GAB1: variants seen among roughly 807,000 people sequenced by gnomAD.
GAB1 encodes the protein GRB2 associated binding protein 1, also known as GRB2-associated-binding protein 1.
In GAB1, 19 loss-of-function variants were observed where a neutral mutation model predicts 66.5. The observed-to-expected ratio is 0.29, with a 90% CI of 0.20 to 0.42. The LOEUF is 0.42. Among genes scored for constraint, GAB1 ranks in the 10% least tolerant of loss-of-function variants. The probability of loss-of-function intolerance (pLI) is 1.00; values close to 1 mark genes in which losing one functional copy is unlikely to be tolerated. For missense variants in GAB1, 732 were observed against 858.5 expected (o/e 0.85, Z 1.84); for synonymous variants, 294 against 301.4 (o/e 0.98, Z 0.25).
chr4:143,451,864 T>C (rs1310117339), intron 6 of GAB1, among the ~76,000 whole-genome samples: 2 of 151,676 alleles, frequency 1.3e-5, no homozygotes, highest in Non-Finnish European at 2.9e-5. Flanking sequence ...TTCATCACTT[T>C]CAGAGAAACA....
At chr4:143,345,411 A>G (rs957240486) in intron 1 of GAB1, among the ~76,000 whole-genome samples, 3 of 152,254 alleles carry the variant, frequency 2.0e-5, no homozygotes, top group African/African-American at 7.2e-5. Context: ...TCATGAATTA[A>G]AAACAACATA....
chr4:143,349,490 A>C (rs1729106862), intron 1 of GAB1: 2 of 1,524,040 alleles, frequency 1.3e-6, no homozygotes, highest in Admixed American at 3.4e-5. Context: ...GCTGGGGTGT[A>C]GCAGTCATCG....
intron 1 of GAB1, among the ~76,000 whole-genome samples, chr4:143,363,229 A>G (rs1332744948): frequency 3.9e-5 from 6 of 152,182 alleles, no homozygotes; most frequent in Non-Finnish European, 5.9e-5. Context: ...AGAGTCCTGC[A>G]TTGTTTCTCT....
At chr4:143,382,746 T>C (rs1181120375) in intron 1 of GAB1, among the ~76,000 whole-genome samples, 4 of 152,074 alleles carry the variant, frequency 2.6e-5, no homozygotes, top group Non-Finnish European at 1.5e-5. Flanking sequence ...CTGAGGACGC[T>C]GATTTGTTAG....
chr4:143,443,015 T>C (rs1175341925), intron 6 of GAB1, among the ~76,000 whole-genome samples: 1 of 119,088 alleles, frequency 8.4e-6, no homozygotes, highest in African/African-American at 4.5e-5. Flanking sequence ...ACTATTTTAC[T>C]TTTTTTTTTT....
At chr4:143,425,012 G>A in intron 2 of GAB1, 1 of 715,734 alleles carries the variant, frequency 1.4e-6, no homozygotes, top group South Asian at 1.5e-5. Context: ...ATACGGCGTT[G>A]TTCTGGATTC....
intron 1 of GAB1, among the ~76,000 whole-genome samples, chr4:143,402,578 G>A (rs1046911381): frequency 2.6e-5 from 4 of 152,166 alleles, no homozygotes; most frequent in Non-Finnish European, 5.9e-5. Context: ...ACTTCCTTCA[G>A]AATTTCGTGA....
intron 3 of GAB1, among the ~76,000 whole-genome samples, chr4:143,434,498 T>A (rs1026249175): frequency 9.9e-5 from 15 of 151,708 alleles, no homozygotes; most frequent in Admixed American, 8.6e-4. Context: ...GGACTTCAGG[T>A]GCATGCCATC....
chr4:143,406,437 C>T (rs919935709), intron 1 of GAB1, among the ~76,000 whole-genome samples: 7 of 152,180 alleles, frequency 4.6e-5, no homozygotes, highest in African/African-American at 1.7e-4. Context: ...TCCGCAAGTT[C>T]TTAGGGAGAT....
rs533403240 is a variant in GAB1, at chr4:143,349,562, G to A, written c.72+12302G>A. 4 of 1,501,940 alleles carry A rather than the reference G, an allele frequency of 2.7e-6. No individual in the cohort carries two copies. The African/African-American group carries it at 5.5e-5, about 21-fold the overall frequency. 93.0% of individuals were successfully genotyped at this position (1,501,940 alleles called of 1,614,324 possible). On this transcript the variant is annotated intron_variant, in intron 1 of 9. Coordinates refer to ENST00000262994, the MANE Select transcript of GAB1 (RefSeq NM_002039.4). ...GCGGAGACGATGCCAGTGCCCCTGG[G>A]TGCAGGGATGAGGTGCACCAGCACA...
chr4:143,361,013 G>A (rs996074984), intron 1 of GAB1, among the ~76,000 whole-genome samples: 38 of 151,996 alleles, frequency 2.5e-4, no homozygotes, highest in Non-Finnish European at 4.6e-4. Context: ...TTGCTATCAG[G>A]CTAACATAAA....
intron 6 of GAB1, among the ~76,000 whole-genome samples, chr4:143,448,276 G>T (rs1417181324): frequency 4.6e-5 from 7 of 151,858 alleles, no homozygotes; most frequent in Admixed American, 6.6e-5. Flanking sequence ...TCTCTGCCCG[G>T]CTTTGGTATC....
Position 143,433,548 on chromosome 4 carries a change from T to G in GAB1, c.425T>G (p.Ile142Arg). The change falls in exon 3 of 10, where the codon ATA becomes AGA. Residue 142 changes from isoleucine (I) to arginine (R), a missense_variant. Ile to Arg is a moderately conservative substitution (Grantham distance 97, BLOSUM62 -3). Around this residue, in one of 4 missense-constraint regions of GAB1, gnomAD observed 427 missense variants for 420.6 expected, o/e 1.02. Transcript: ENST00000262994. ...LQAPADLPLA[I>R]NTAPPSTQAD... ...GCACCAGCTGATTTACCTTTAGCTA[T>G]AAATACAGCACCACCATCCACCCAG... 1 of 1,614,016 alleles carries G rather than the reference T, an allele frequency of 6.2e-7. No homozygotes were observed. Among genetic ancestry groups the G allele is most frequent in the Non-Finnish European group, 8.5e-7 (1 of 1,179,910 alleles).
intron 1 of GAB1, chr4:143,394,944 C>G (rs562261037): frequency 2.0e-4 from 31 of 152,216 alleles, no homozygotes; most frequent in African/African-American, 5.8e-4. Context: ...ACATTGATTA[C>G]CTCATCTTAT....
chr4:143,454,698 G>A (rs968887871), intron 6 of GAB1, among the ~76,000 whole-genome samples: 4 of 152,172 alleles, frequency 2.6e-5, no homozygotes, highest in African/African-American at 7.2e-5. Context: ...TGCTCTGTGC[G>A]GTGAGTGCTT....
At chr4:143,393,579 T>C (rs1219132542) in intron 1 of GAB1, among the ~76,000 whole-genome samples, 1 of 152,212 alleles carries the variant, frequency 6.6e-6, no homozygotes, top group African/African-American at 2.4e-5. Flanking sequence ...ACTTAATGAG[T>C]ATTCAATAAA....
At chr4:143,395,030 G>A (rs943386978) in intron 1 of GAB1, 2 of 152,212 alleles carry the variant, frequency 1.3e-5, no homozygotes, top group African/African-American at 4.8e-5. Context: ...TTGATCCTAA[G>A]AGCTTGATCA....
At chr4:143,448,932 T>C (rs2149775127) in intron 6 of GAB1, among the ~76,000 whole-genome samples, 1 of 152,178 alleles carries the variant, frequency 6.6e-6, no homozygotes, top group Admixed American at 6.5e-5. Context: ...CATTTAGTGC[T>C]ATAAATTTCC....
At chr4:143,465,228 C>T (rs1735719918) in intron 8 of GAB1, among the ~76,000 whole-genome samples, 1 of 152,122 alleles carries the variant, frequency 6.6e-6, no homozygotes, top group Non-Finnish European at 1.5e-5. Context: ...CCAGCTTTTC[C>T]TTTCTATTTA....
Sources: gnomAD v4.1 joint callset for allele counts (sites outside exome capture counted in the v4.1 genomes callset) on GRCh38, gnomAD v4.1.1 for gene constraint, gnomAD v4.1.1 regional missense constraint, MANE v1.5 for transcripts, NCBI Gene and HGNC (gene_info 2026-07-23, HGNC 2026-07-21) for gene names.